Variants in CPPED1 observed in about 807,000 individuals in gnomAD.
CPPED1 encodes serine/threonine-protein phosphatase CPPED1.
In CPPED1, 28 loss-of-function variants were observed where a neutral mutation model predicts 28.0. The ratio of observed to expected loss-of-function variants is 1.00; its 90% CI spans 0.74 to 1.37. The LOEUF (loss-of-function observed/expected upper bound fraction) is 1.37. CPPED1 is among the 40% of genes most tolerant of loss of function. CPPED1 has a pLI of 0.00. For synonymous variants in CPPED1, 198 were observed against 180.2 expected (o/e 1.10, Z -0.79); for missense variants, 504 against 416.5 (o/e 1.21, Z -1.83).
chr16:12,757,333 C>T (rs2080377084), intron 2 of CPPED1, among the ~76,000 whole-genome samples: 1 of 152,036 alleles, frequency 6.6e-6, no homozygotes, highest in Admixed American at 6.6e-5. Context: ...TAACTACAAG[C>T]ATTACTACAA....
rs1596442758 is a variant in CPPED1, at chr16:12,679,033, T to C, written c.716-13918A>G. On this transcript the variant is annotated intron_variant, in intron 3 of 3. Transcript: ENST00000381774. ...TTATTCTTCAGAAAAACATAATCAA[T>C]TTAAATACCCAACAAGGATTTGAGA... Among the ~76,000 whole-genome samples, 3 of 152,198 alleles carry C rather than the reference T, an allele frequency of 2.0e-5. No individual in the cohort carries two copies. The East Asian group carries it at 5.8e-4, about 29-fold the overall frequency.
intron 3 of CPPED1, among the ~76,000 whole-genome samples, chr16:12,676,660 G>A (rs2079879387): frequency 6.6e-6 from 1 of 152,140 alleles, no homozygotes; most frequent in African/African-American, 2.4e-5. Flanking sequence ...AAGGCTTCCT[G>A]GAGGGGGTGG....
At chr16:12,741,345 G>C (rs2080254311) in intron 2 of CPPED1, among the ~76,000 whole-genome samples, 1 of 141,386 alleles carries the variant, frequency 7.1e-6, no homozygotes, top group Admixed American at 7.5e-5. Context: ...AGACAGACTT[G>C]TTTATCGAGA....
chr16:12,736,970 AC>A (rs1567290890), intron 2 of CPPED1, among the ~76,000 whole-genome samples: 1 of 152,062 alleles, frequency 6.6e-6, no homozygotes, highest in African/African-American at 2.4e-5. Context: ...TGGGTGGATC[AC>A]TTGAGGTCAG....
rs747998442 is a variant in CPPED1 at position 12,781,378 on chromosome 16, T to C, written c.96A>G (p.Pro32=). The C allele has an allele frequency of 9.9e-6, 16 of 1,613,978 alleles. No homozygotes were observed. In the African/African-American group the frequency reaches 1.6e-4, roughly 16 times the overall value. ...PAEKESEWKG[P]FYFILGADPQ... The stretch of plus-strand genomic sequence containing the variant: ...GGTCTGCGCCCAGGATGAAGTAGAA[T>C]GGGCCTTTCCATTCGCTTTCCTTTT... The change falls in exon 2 of 4, where the codon CCA becomes CCG. Residue 32 remains proline, a synonymous_variant. Transcript: ENST00000381774.
At chr16:12,783,104 C>A (rs112573081) in intron 1 of CPPED1, among the ~76,000 whole-genome samples, 1 of 152,100 alleles carries the variant, frequency 6.6e-6, no homozygotes, top group Non-Finnish European at 1.5e-5. Context: ...CTGCTGTCCT[C>A]GCACTCAGTG....
chr16:12,696,235 C>A (rs1218108724), intron 3 of CPPED1, among the ~76,000 whole-genome samples: 2 of 152,146 alleles, frequency 1.3e-5, no homozygotes, highest in Non-Finnish European at 2.9e-5. Flanking sequence ...GTCCCCAAAC[C>A]AGGTCCGCCT....
chr16:12,734,999 A>C (rs2080219409), intron 2 of CPPED1, among the ~76,000 whole-genome samples: 1 of 152,164 alleles, frequency 6.6e-6, no homozygotes, highest in Non-Finnish European at 1.5e-5. Context: ...TCTTGGGTCA[A>C]AGCCAGGGCA....
chr16:12,745,017 G>C (rs898850658), intron 2 of CPPED1, among the ~76,000 whole-genome samples: 1 of 151,992 alleles, frequency 6.6e-6, no homozygotes, highest in Non-Finnish European at 1.5e-5. Flanking sequence ...TAACAGATTA[G>C]ACACTACAAA....
intron 2 of CPPED1, 46 bp downstream of exon 2, chr16:12,781,139 G>T: frequency 1.3e-6 from 2 of 1,551,512 alleles, no homozygotes; most frequent in South Asian, 2.3e-5. Flanking sequence ...ATGCAGTCAT[G>T]ACCGGCTGAA....
At chr16:12,665,231 G>C (rs1398358520) in intron 3 of CPPED1, 116 bp from the exon 4 acceptor site, 1 of 861,008 alleles carries the variant, frequency 1.2e-6, no homozygotes, top group Non-Finnish European at 1.7e-6. Context: ...ATACCATCAT[G>C]TAGAATTATC....
At chr16:12,681,670 T>C (rs576979064) in intron 3 of CPPED1, among the ~76,000 whole-genome samples, 1 of 152,208 alleles carries the variant, frequency 6.6e-6, no homozygotes, top group South Asian at 2.1e-4. Flanking sequence ...CTCGGCTTCA[T>C]TAGGATGTAA....
At chr16:12,712,270 T>G (rs902674821) in intron 2 of CPPED1, among the ~76,000 whole-genome samples, 1 of 152,158 alleles carries the variant, frequency 6.6e-6, no homozygotes, top group African/African-American at 2.4e-5. Flanking sequence ...GCTCCGTCCC[T>G]ACCTGCAGGT....
intron 2 of CPPED1, among the ~76,000 whole-genome samples, chr16:12,727,371 G>A (rs893280644): frequency 2.0e-5 from 3 of 152,108 alleles, no homozygotes; most frequent in Non-Finnish European, 4.4e-5. Context: ...TTTGTTTGTT[G>A]AGATACAATC....
chr16:12,678,344 A>T (rs565929428), intron 3 of CPPED1, among the ~76,000 whole-genome samples: 1 of 152,344 alleles, frequency 6.6e-6, no homozygotes, highest in East Asian at 1.9e-4. Context: ...CCATCTAAAA[A>T]AGTAACTCAG....
Position 12,795,331 on chromosome 16 carries a change from C to T in CPPED1, c.70+8376G>A, listed in dbSNP as rs936834732. Reference sequence around the variant, plus strand: ...GAGTAGTGCACACAGTGCACAGCCACCTGGTGTAGTCATGCAACTTTTTTT... The same window carrying T: ...GAGTAGTGCACACAGTGCACAGCCATCTGGTGTAGTCATGCAACTTTTTTT... On this transcript the variant is annotated intron_variant, in intron 1 of 3. Coordinates refer to ENST00000381774, the MANE Select transcript of CPPED1 (RefSeq NM_018340.3). Among the ~76,000 whole-genome samples, 18 of 152,260 alleles carry T rather than the reference C, an allele frequency of 1.2e-4. 1 individual carries two copies. The highest frequency in any genetic ancestry group is 6.2e-4 in the South Asian group (3 of 4,824).
intron 1 of CPPED1, among the ~76,000 whole-genome samples, chr16:12,803,265 A>G (rs1035413455): frequency 9.9e-5 from 15 of 152,228 alleles, no homozygotes; most frequent in Admixed American, 7.9e-4. Context: ...TACAGAATAC[A>G]TAACGGTGAA....
chr16:12,702,738 CT>C (rs1359931415), intron 3 of CPPED1, among the ~76,000 whole-genome samples: 2 of 152,100 alleles, frequency 1.3e-5, no homozygotes, highest in Admixed American at 1.3e-4. Flanking sequence ...TGGCTCACAC[CT>C]GTAATCCCAG....
At chr16:12,673,150 C>T (rs1331359414) in intron 3 of CPPED1, among the ~76,000 whole-genome samples, 1 of 152,196 alleles carries the variant, frequency 6.6e-6, no homozygotes, top group Non-Finnish European at 1.5e-5. Flanking sequence ...GCAGCTGGGA[C>T]TGCTGGGTTG....
Sources: allele counts gnomAD v4.1 joint callset (sites outside exome capture counted in the v4.1 genomes callset), GRCh38; gene constraint gnomAD v4.1.1; transcripts MANE v1.5; gene names NCBI Gene and HGNC (gene_info 2026-07-23, HGNC 2026-07-21).